Variants in ERBB4 observed in about 807,000 individuals in gnomAD.
The protein encoded by ERBB4 is erb-b2 receptor tyrosine kinase 4.
Under a neutral mutation model 158.0 loss-of-function variants are expected in ERBB4, and 42 were observed. The ratio of observed to expected loss-of-function variants is 0.27; its 90% confidence interval spans 0.21 to 0.34. The LOEUF is 0.34. ERBB4 is among the 10% of genes least tolerant of loss of function. The pLI, the probability that ERBB4 is intolerant of heterozygous loss-of-function variation, is 1.00. For synonymous variants in ERBB4, 583 were observed against 558.7 expected (o/e 1.04, Z -0.61); for missense variants, 1,333 against 1,624.1 (o/e 0.82, Z 3.08).
intron 1 of ERBB4, among the ~76,000 whole-genome samples, chr2:212,291,733 C>A (rs1381729643): frequency 1.3e-5 from 2 of 151,930 alleles, no homozygotes; most frequent in East Asian, 1.9e-4. Context: ...ATATTTATAA[C>A]CATATACTAA....
chr2:211,588,187 T>C (rs927616849), intron 19 of ERBB4, among the ~76,000 whole-genome samples: 3 of 152,166 alleles, frequency 2.0e-5, no homozygotes, highest in Non-Finnish European at 2.9e-5. Context: ...ATTTTTATTT[T>C]TAAAAATTGG....
At chr2:211,852,761 G>A (rs1450725588) in intron 3 of ERBB4, among the ~76,000 whole-genome samples, 2 of 150,290 alleles carry the variant, frequency 1.3e-5, no homozygotes, top group African/African-American at 4.9e-5. Flanking sequence ...GGGAAAAGAA[G>A]ATGTTTCATG....
chr2:211,802,058 G>C (rs978362895), intron 3 of ERBB4, among the ~76,000 whole-genome samples: 1 of 152,114 alleles, frequency 6.6e-6, no homozygotes, highest in Non-Finnish European at 1.5e-5. Context: ...AGGAGATCGA[G>C]ACCATCCTGG....
chr2:211,444,328 T>C (rs1277744890), intron 20 of ERBB4, among the ~76,000 whole-genome samples: 1 of 152,034 alleles, frequency 6.6e-6, no homozygotes, highest in Non-Finnish European at 1.5e-5. Flanking sequence ...ATGTATTCAT[T>C]AGAACAAAAT....
In ERBB4 at chr2:211,788,073, G is replaced by A. The variant is rs1223312722; in HGVS notation, c.508C>T (p.Pro170Ser). ...ACAAGAGTCAAGTTGGAAGGCCATG[G>A]GTTCCGAACAATATCTTGCCAATGA... ...TIHWQDIVRN[P>S]WPSNLTLVST... The change falls in exon 4 of 28, where the codon CCA (proline) becomes TCA (serine). Residue 170 changes from proline (P) to serine (S), a missense_variant. Physicochemically the swap from Pro to Ser is moderately conservative, Grantham distance 74. Transcript: ENST00000342788. 22 of 1,613,100 alleles carry A rather than the reference G, an allele frequency of 1.4e-5. No individual in the cohort carries two copies. Among genetic ancestry groups the A allele is most frequent in the Non-Finnish European group, 1.9e-5 (22 of 1,179,314 alleles).
At chr2:211,727,705 A>T (rs2074310181) in intron 5 of ERBB4, among the ~76,000 whole-genome samples, 1 of 152,048 alleles carries the variant, frequency 6.6e-6, no homozygotes, top group Non-Finnish European at 1.5e-5. Flanking sequence ...CATGATGATG[A>T]TATTCATAAA....
At chr2:211,862,647 T>C (rs540710166) in intron 3 of ERBB4, among the ~76,000 whole-genome samples, 1 of 152,304 alleles carries the variant, frequency 6.6e-6, no homozygotes, top group South Asian at 2.1e-4. Flanking sequence ...TCTAAATATA[T>C]AGTAAAGATA....
intron 1 of ERBB4, among the ~76,000 whole-genome samples, chr2:212,433,960 T>C (rs1034401040): frequency 6.6e-6 from 1 of 151,950 alleles, no homozygotes; most frequent in Admixed American, 6.6e-5. Context: ...TGAGAATTAT[T>C]TTCCTCTGTT....
intron 3 of ERBB4, among the ~76,000 whole-genome samples, chr2:211,820,751 G>A (rs140072436): frequency 2.0e-4 from 30 of 151,676 alleles, no homozygotes; most frequent in Admixed American, 7.9e-4. Context: ...GATCAAGTGC[G>A]GTTTATTCCA....
intron 1 of ERBB4, among the ~76,000 whole-genome samples, chr2:212,286,596 T>TGTTTTTTTTTTTTGTTTTG (rs200822862): frequency 2.2e-5 from 2 of 91,132 alleles, no homozygotes; most frequent in Admixed American, 1.1e-4. Flanking sequence ...AGTGCTGACT[T>TGTTTTTTTTTTTTGTTTTG]TTTTTTTTTT....
intron 25 of ERBB4, among the ~76,000 whole-genome samples, chr2:211,409,389 G>A (rs1407609404): frequency 6.6e-6 from 1 of 152,160 alleles, no homozygotes; most frequent in Non-Finnish European, 1.5e-5. Context: ...ACATGAATAT[G>A]TGATCAATAA....
chr2:212,015,227 CTGCACTCCAG>C (rs11280120), intron 2 of ERBB4, among the ~76,000 whole-genome samples: 3,718 of 149,288 alleles, frequency 0.025, 62 homozygotes, highest in Middle Eastern at 0.042. Context: ...GATCGCGCCA[CTGCACTCCAG>C]CCTGGGCAAC....
intron 1 of ERBB4, among the ~76,000 whole-genome samples, chr2:212,364,920 TG>T (rs2089829520): frequency 7.0e-6 from 1 of 142,752 alleles, no homozygotes; most frequent in Admixed American, 6.7e-5. Flanking sequence ...TGTGAGTGTG[TG>T]TGTGTGTGTG....
chr2:211,435,669 G>A (rs965816917), intron 20 of ERBB4, among the ~76,000 whole-genome samples: 1 of 152,146 alleles, frequency 6.6e-6, no homozygotes, highest in Non-Finnish European at 1.5e-5. Context: ...GCATGCGAGC[G>A]ATCTAGGTTG....
chr2:212,237,505 G>A (rs1056240990), intron 1 of ERBB4, among the ~76,000 whole-genome samples: 1 of 152,168 alleles, frequency 6.6e-6, no homozygotes, highest in African/African-American at 2.4e-5. Context: ...CCTGTATGAG[G>A]TGTCTGTCGA....
At chr2:212,511,805 T>G (rs149754819) in intron 1 of ERBB4, among the ~76,000 whole-genome samples, 7 of 148,820 alleles carry the variant, frequency 4.7e-5, no homozygotes, top group African/African-American at 1.6e-4. Context: ...AGAGATTTAA[T>G]GTCTTGCATG....
intron 25 of ERBB4, among the ~76,000 whole-genome samples, chr2:211,391,795 A>G (rs1026908577): frequency 6.6e-6 from 1 of 152,188 alleles, no homozygotes; most frequent in Admixed American, 6.5e-5. Context: ...ATTGTTCCTG[A>G]GAAATTTTAT....
intron 20 of ERBB4, among the ~76,000 whole-genome samples, chr2:211,509,015 G>C (rs2065823783): frequency 6.6e-6 from 1 of 152,100 alleles, no homozygotes; most frequent in Non-Finnish European, 1.5e-5. Flanking sequence ...TAAAAAGAAT[G>C]GGTTCATGTC....
chr2:211,522,552 G>T (rs1326907868), intron 20 of ERBB4, among the ~76,000 whole-genome samples: 1 of 152,158 alleles, frequency 6.6e-6, no homozygotes, highest in African/African-American at 2.4e-5. Flanking sequence ...TGATGGAGGA[G>T]CAGCAGGGTT....
Sources: gnomAD v4.1 joint callset for allele counts (sites outside exome capture counted in the v4.1 genomes callset) on GRCh38, gnomAD v4.1.1 for gene constraint, MANE v1.5 for transcripts, NCBI Gene and HGNC (gene_info 2026-07-23, HGNC 2026-07-21) for gene names.